SCLT1: variants seen among roughly 807,000 people sequenced by gnomAD.
SCLT1 encodes the protein sodium channel-associated protein 1.
Under a neutral mutation model 112.8 loss-of-function variants are expected in SCLT1, and 78 were observed. The observed-to-expected ratio is 0.69, with a 90% CI of 0.58 to 0.83. The LOEUF (loss-of-function observed/expected upper bound fraction) is 0.83. Among genes scored for constraint, SCLT1 ranks in the 40% least tolerant of loss-of-function variants. The pLI, the probability that SCLT1 is intolerant of heterozygous loss-of-function variation, is 0.00. For missense variants in SCLT1, 747 were observed against 770.4 expected (o/e 0.97, Z 0.36); for synonymous variants, 257 against 254.7 (o/e 1.01, Z -0.09).
chr4:129,039,171 A>G, intron 4 of SCLT1, 75 bp from the exon 5 acceptor site: 1 of 875,552 alleles, frequency 1.1e-6, no homozygotes, highest in Non-Finnish European at 1.9e-6. Flanking sequence ...CACTCACGTA[A>G]GCAATCAGAT....
intron 5 of SCLT1, among the ~76,000 whole-genome samples, chr4:129,026,448 C>T (rs1410334152): frequency 6.6e-6 from 1 of 151,998 alleles, no homozygotes; most frequent in East Asian, 1.9e-4. Flanking sequence ...TCCTGAATGA[C>T]TACTGGGTAA....
At chr4:128,943,436 A>G (rs1337768207) in intron 16 of SCLT1, among the ~76,000 whole-genome samples, 1 of 152,164 alleles carries the variant, frequency 6.6e-6, no homozygotes, top group East Asian at 1.9e-4. Flanking sequence ...TAGAAAATCA[A>G]TGTGAGACTT....
chr4:128,901,037 A>AG (rs1734243702), intron 18 of SCLT1, among the ~76,000 whole-genome samples: 1 of 152,196 alleles, frequency 6.6e-6, no homozygotes, highest in South Asian at 2.1e-4. Context: ...GGTGCTGGAG[A>AG]GGATGTGGAG....
intron 9 of SCLT1, among the ~76,000 whole-genome samples, chr4:128,991,138 A>G (rs1205574327): frequency 6.6e-6 from 1 of 152,010 alleles, no homozygotes; most frequent in Non-Finnish European, 1.5e-5. Flanking sequence ...CTGAGCAAAG[A>G]GAACAAAGCT....
intron 9 of SCLT1, among the ~76,000 whole-genome samples, chr4:128,983,409 C>T (rs1375441864): frequency 6.6e-6 from 1 of 152,038 alleles, no homozygotes; most frequent in Non-Finnish European, 1.5e-5. Context: ...GTATAAATCT[C>T]AGTTTAAATG....
chr4:128,907,823 T>A (rs1734801212), intron 18 of SCLT1, among the ~76,000 whole-genome samples: 1 of 152,216 alleles, frequency 6.6e-6, no homozygotes, highest in South Asian at 2.1e-4. Context: ...GGTATGGTTA[T>A]GAGAGTATGA....
At chr4:128,945,427 T>C (rs1302220248) in intron 16 of SCLT1, among the ~76,000 whole-genome samples, 1 of 152,146 alleles carries the variant, frequency 6.6e-6, no homozygotes, top group African/African-American at 2.4e-5. Context: ...TTAAACAAAT[T>C]TGCAAGATCT....
At chr4:128,972,586 A>G (rs1246827804) in intron 9 of SCLT1, among the ~76,000 whole-genome samples, 2 of 152,244 alleles carry the variant, frequency 1.3e-5, no homozygotes, top group Non-Finnish European at 2.9e-5. Flanking sequence ...GTCCAAAAAC[A>G]GAGGTGGATT....
chr4:129,030,528 T>G (rs1162864818), intron 5 of SCLT1, among the ~76,000 whole-genome samples: 1 of 151,838 alleles, frequency 6.6e-6, no homozygotes, highest in Non-Finnish European at 1.5e-5. Flanking sequence ...CAGGAGCTGG[T>G]TTTTTCAAAA....
chr4:128,936,852 C>G lies in SCLT1; in HGVS notation c.1633-1G>C. 6.8e-7 allele frequency: 1 copy of G among 1,474,904 alleles called. No homozygotes were observed. Among genetic ancestry groups the G allele is most frequent in the Non-Finnish European group, 9.2e-7 (1 of 1,081,660 alleles). 91.4% of individuals were successfully genotyped at this position (1,474,904 alleles called of 1,614,324 possible). On this transcript the variant is annotated splice_acceptor_variant, in intron 17 of 20. Coordinates refer to ENST00000281142, the MANE Select transcript of SCLT1 (RefSeq NM_144643.4). LOFTEE classifies it high-confidence loss of function. ...AAAATTCATGTTCCATTGTACTGAT[C>G]TAAAGAATAAAATGAAAACGTATTT...
chr4:128,971,296 T>C (rs1740672755), intron 9 of SCLT1: 1 of 152,226 alleles, frequency 6.6e-6, no homozygotes, highest in East Asian at 1.9e-4. Context: ...ATTTGTGCTA[T>C]AGAACTTACA....
At chr4:128,894,968 G>A (rs13136807) in intron 18 of SCLT1, among the ~76,000 whole-genome samples, 24,586 of 152,064 alleles carry the variant, frequency 0.16, 2,132 homozygotes, top group Middle Eastern at 0.28. Flanking sequence ...ATGAGCCACC[G>A]TGCCCAGCTT....
intron 18 of SCLT1, among the ~76,000 whole-genome samples, chr4:128,910,153 T>C (rs1734977113): frequency 6.6e-6 from 1 of 152,210 alleles, no homozygotes; most frequent in Admixed American, 6.5e-5. Context: ...AAAGGATCTG[T>C]ACAGTTTAAA....
intron 18 of SCLT1, among the ~76,000 whole-genome samples, chr4:128,892,775 T>G (rs1307413168): frequency 6.6e-6 from 1 of 152,222 alleles, no homozygotes; most frequent in Non-Finnish European, 1.5e-5. Flanking sequence ...TTATTCTAAC[T>G]TAGTGATTTC....
chr4:129,069,615 ACTTTG>A (rs1750805092), intron 2 of SCLT1, among the ~76,000 whole-genome samples: 1 of 152,154 alleles, frequency 6.6e-6, no homozygotes, highest in South Asian at 2.1e-4. Flanking sequence ...GTATCTGGAA[ACTTTG>A]CTGAATTCTT....
intron 5 of SCLT1, among the ~76,000 whole-genome samples, chr4:129,027,536 A>G (rs1746233446): frequency 6.6e-6 from 1 of 152,198 alleles, no homozygotes. Flanking sequence ...TCAAAATAAT[A>G]AGAGCTATCT....
At chr4:129,051,796 C>T (rs1269435638) in intron 2 of SCLT1, among the ~76,000 whole-genome samples, 1 of 152,110 alleles carries the variant, frequency 6.6e-6, no homozygotes, top group East Asian at 1.9e-4. Context: ...GCATCCTTGT[C>T]ACGTGTCGGT....
At chr4:129,029,969 C>T (rs1229556063) in intron 5 of SCLT1, among the ~76,000 whole-genome samples, 1 of 152,130 alleles carries the variant, frequency 6.6e-6, no homozygotes, top group Non-Finnish European at 1.5e-5. Flanking sequence ...ACCTAATAGA[C>T]ATCTACAGAA....
intron 18 of SCLT1, among the ~76,000 whole-genome samples, chr4:128,917,929 C>A (rs2125956268): frequency 6.6e-6 from 1 of 152,230 alleles, no homozygotes; most frequent in African/African-American, 2.4e-5. Context: ...TGAACCATAT[C>A]TGAAAGCATG....
Sources: gnomAD v4.1 joint callset for allele counts (sites outside exome capture counted in the v4.1 genomes callset) on GRCh38, gnomAD v4.1.1 for gene constraint, MANE v1.5 for transcripts, NCBI Gene and HGNC (gene_info 2026-07-23, HGNC 2026-07-21) for gene names.